Variants in SLC14A2 observed in about 807,000 individuals in gnomAD.
SLC14A2 encodes urea transporter 2.
In SLC14A2, 91 loss-of-function variants were observed where a neutral mutation model predicts 104.6. The observed-to-expected ratio is 0.87, with a 90% CI of 0.73 to 1.04. The LOEUF is 1.04. SLC14A2 is among the 50% of genes least tolerant of loss of function. The pLI, the probability that SLC14A2 is intolerant of heterozygous loss-of-function variation, is 0.00. For synonymous variants in SLC14A2, 476 were observed against 466.4 expected (o/e 1.02, Z -0.27); for missense variants, 1,189 against 1,156.0 (o/e 1.03, Z -0.41).
chr18:45,524,269 T>C (rs2043559499), intron 2 of SLC14A2, among the ~76,000 whole-genome samples: 1 of 152,250 alleles, frequency 6.6e-6, no homozygotes, highest in Non-Finnish European at 1.5e-5. Flanking sequence ...TTTTATTCAC[T>C]TAGTGCCCTC....
chr18:45,471,481 C>T (rs1326894320), intron 1 of SLC14A2, among the ~76,000 whole-genome samples: 1 of 152,090 alleles, frequency 6.6e-6, no homozygotes, highest in South Asian at 2.1e-4. Flanking sequence ...AATTATACTT[C>T]TCCAAATACA....
intron 1 of SLC14A2, among the ~76,000 whole-genome samples, chr18:45,380,221 C>A (rs547067014): frequency 1.3e-5 from 2 of 152,116 alleles, no homozygotes; most frequent in African/African-American, 4.8e-5. Context: ...TAAGACCAAC[C>A]ATTACTAATT....
At chr18:45,552,407 T>G (rs886385107) in intron 2 of SLC14A2, among the ~76,000 whole-genome samples, 2 of 151,738 alleles carry the variant, frequency 1.3e-5, no homozygotes, top group Non-Finnish European at 2.9e-5. Flanking sequence ...TTGTGTGAGT[T>G]TCCCTTCTCC....
At chr18:45,276,906 T>C (rs2084708561) in intron 1 of SLC14A2, among the ~76,000 whole-genome samples, 1 of 152,234 alleles carries the variant, frequency 6.6e-6, no homozygotes, top group South Asian at 2.1e-4. Context: ...TTGCTTGTCT[T>C]CTCTGGTAGA....
rs1250203879 is a variant in SLC14A2 at position 45,624,682 on chromosome 18, C to A, written c.18C>A (p.Ser6Arg). The change falls in exon 2 of 20, where the codon AGC becomes AGA. Residue 6 changes from serine (S) to arginine (R), a missense_variant. Transcript: ENST00000255226. MSDPH[S>R]SPLLPEPLSS... ...CCGAAGGAATGTCTGACCCCCACAG[C>A]AGTCCTCTCCTGCCAGAGCCACTTT... 1 of 1,612,312 alleles carries A rather than the reference C, an allele frequency of 6.2e-7. No homozygotes were observed.
chr18:45,480,635 A>G (rs1485396611), intron 1 of SLC14A2, among the ~76,000 whole-genome samples: 6 of 152,092 alleles, frequency 3.9e-5, no homozygotes, highest in African/African-American at 1.4e-4. Context: ...CAGCCCACAT[A>G]ACCAGAGCAG....
the SLC14A2 span, among the ~76,000 whole-genome samples, chr18:45,205,136 G>A: frequency 6.6e-6 from 1 of 152,176 alleles, no homozygotes; most frequent in African/African-American, 2.4e-5. Flanking sequence ...CTTTTCCCCA[G>A]CATGCGGGCC....
chr18:45,228,826 C>T (rs1305650962), intron 1 of SLC14A2, among the ~76,000 whole-genome samples: 6 of 152,162 alleles, frequency 3.9e-5, no homozygotes, highest in African/African-American at 7.2e-5. Context: ...TTGACAGAGG[C>T]TTTGGGAGGC....
In SLC14A2 at chr18:45,624,685, T is replaced by TCCTCTCCTGCCAGAGCC. The variant is rs1438628689; in HGVS notation, c.22_38dup (p.Ser16CysfsTer53). ...AAGGAATGTCTGACCCCCACAGCAG[T>TCCTCTCCTGCCAGAGCC]CCTCTCCTGCCAGAGCCACTTTCCA... On this transcript the variant is annotated frameshift_variant, in exon 2 of 20. Coordinates refer to ENST00000255226, the MANE Select transcript of SLC14A2 (RefSeq NM_007163.4). LOFTEE classifies it high-confidence loss of function. 6.2e-7 allele frequency: 1 copy of TCCTCTCCTGCCAGAGCC among 1,612,644 alleles called. No homozygotes were observed. The highest frequency in any genetic ancestry group is 8.5e-7 in the Non-Finnish European group (1 of 1,179,436).
At chr18:45,239,623 T>C (rs955757374) in intron 1 of SLC14A2, among the ~76,000 whole-genome samples, 2 of 152,124 alleles carry the variant, frequency 1.3e-5, no homozygotes, top group East Asian at 1.9e-4. Flanking sequence ...CAAAAACACA[T>C]GCGGAGGGTG....
At chr18:45,658,335 C>T (rs1343344246) in intron 10 of SLC14A2, among the ~76,000 whole-genome samples, 1 of 152,130 alleles carries the variant, frequency 6.6e-6, no homozygotes, top group Admixed American at 6.5e-5. Flanking sequence ...AATCCTAGCA[C>T]TTTGGGAGGC....
intron 1 of SLC14A2, among the ~76,000 whole-genome samples, chr18:45,257,943 G>T (rs1348919650): frequency 2.6e-5 from 4 of 152,166 alleles, no homozygotes; most frequent in African/African-American, 7.2e-5. Flanking sequence ...AAGGACTATT[G>T]CTCCCAAATG....
intron 10 of SLC14A2, among the ~76,000 whole-genome samples, chr18:45,645,728 C>A (rs1277846406): frequency 1.5e-5 from 2 of 132,348 alleles, no homozygotes; most frequent in Admixed American, 8.1e-5. Context: ...TTGGCAAAGT[C>A]TTAACCCTGT....
intron 2 of SLC14A2, among the ~76,000 whole-genome samples, chr18:45,578,710 C>T (rs2044448349): frequency 6.6e-6 from 1 of 152,200 alleles, no homozygotes; most frequent in Admixed American, 6.5e-5. Flanking sequence ...GGAACTGAAG[C>T]TTTGCCTCCT....
intron 1 of SLC14A2, among the ~76,000 whole-genome samples, chr18:45,260,803 T>A (rs1287184621): frequency 6.6e-6 from 1 of 152,024 alleles, no homozygotes; most frequent in Non-Finnish European, 1.5e-5. Flanking sequence ...CACATGGTCA[T>A]AATGATGGTA....
intron 1 of SLC14A2, among the ~76,000 whole-genome samples, chr18:45,331,024 A>T (rs1217248015): frequency 6.6e-5 from 10 of 152,256 alleles, no homozygotes; most frequent in Non-Finnish European, 2.9e-5. Context: ...AAGGAACATA[A>T]GAAAATACAT....
chr18:45,558,333 AC>A (rs1218039758), intron 2 of SLC14A2, among the ~76,000 whole-genome samples: 1 of 152,164 alleles, frequency 6.6e-6, no homozygotes, highest in Non-Finnish European at 1.5e-5. Flanking sequence ...CCTGCCTTAT[AC>A]AGTATTAATC....
chr18:45,540,160 T>C (rs2043864454), intron 2 of SLC14A2, among the ~76,000 whole-genome samples: 1 of 152,138 alleles, frequency 6.6e-6, no homozygotes, highest in Non-Finnish European at 1.5e-5. Context: ...ATTTTGCTGC[T>C]GCCCCAGATT....
intron 10 of SLC14A2, among the ~76,000 whole-genome samples, chr18:45,648,427 G>A (rs59756331): frequency 0.014 from 2,115 of 151,896 alleles, 55 homozygotes; most frequent in African/African-American, 0.048. Context: ...GGATGGTCTC[G>A]ATCTCCTGAC....
Sources: allele counts gnomAD v4.1 joint callset (sites outside exome capture counted in the v4.1 genomes callset), GRCh38; gene constraint gnomAD v4.1.1; transcripts MANE v1.5; gene names NCBI Gene and HGNC (gene_info 2026-07-23, HGNC 2026-07-21).